The following ANTXR1 variants were observed in gnomAD, a reference collection of about 807,000 sequenced individuals.
The protein encoded by ANTXR1 is ANTXR cell adhesion molecule 1.
ANTXR1 carries 19 observed loss-of-function variants against 78.1 expected under a neutral mutation model. The observed-to-expected ratio is 0.24, with a 90% CI of 0.17 to 0.36. ANTXR1 has a LOEUF of 0.36. ANTXR1 is among the 10% of genes least tolerant of loss of function. The pLI is 1.00. For missense variants in ANTXR1, 518 were observed against 718.6 expected, an observed-to-expected ratio of 0.72 and a Z score of 3.19; for synonymous variants, 273 against 260.5, an observed-to-expected ratio of 1.05 and a Z score of -0.46.
At chr2:69,035,803 T>A (rs561984952) in intron 1 of ANTXR1, among the ~76,000 whole-genome samples, 2 of 152,358 alleles carry the variant, frequency 1.3e-5, no homozygotes, top group East Asian at 3.9e-4. Flanking sequence ...TATTTTCTTC[T>A]TCAGAAAATT....
chr2:69,146,073 T>G, intron 12 of ANTXR1: 1 of 985,496 alleles, frequency 1.0e-6, no homozygotes. Flanking sequence ...TCAGAGAATG[T>G]CATCCCTAAT....
intron 9 of ANTXR1, among the ~76,000 whole-genome samples, chr2:69,097,993 T>G (rs1039144098): frequency 2.0e-5 from 3 of 152,056 alleles, no homozygotes; most frequent in Non-Finnish European, 4.4e-5. Flanking sequence ...GACAAGAAAA[T>G]TACTTACTGC....
At chr2:69,117,694 G>C (rs1186958891) in intron 10 of ANTXR1, among the ~76,000 whole-genome samples, 1 of 152,180 alleles carries the variant, frequency 6.6e-6, no homozygotes, top group Non-Finnish European at 1.5e-5. Context: ...ATGTAATAAA[G>C]AAGAATAACA....
At chr2:69,195,633 C>T (rs1046090287) in intron 17 of ANTXR1, among the ~76,000 whole-genome samples, 3 of 152,092 alleles carry the variant, frequency 2.0e-5, no homozygotes, top group African/African-American at 7.2e-5. Flanking sequence ...AATACAAACT[C>T]TACAGTTAGG....
chr2:69,241,028 A>C (rs1675882223), intron 17 of ANTXR1, among the ~76,000 whole-genome samples: 1 of 152,186 alleles, frequency 6.6e-6, no homozygotes, highest in Non-Finnish European at 1.5e-5. Flanking sequence ...TTAGAATTTA[A>C]TCTGAGAAAT....
intron 17 of ANTXR1, among the ~76,000 whole-genome samples, chr2:69,197,436 C>T (rs1674691656): frequency 6.6e-6 from 1 of 152,168 alleles, no homozygotes; most frequent in Admixed American, 6.5e-5. Flanking sequence ...CCTTCATCAC[C>T]TCCAAATGGG....
chr2:69,177,547 G>A (rs531006936), intron 14 of ANTXR1, among the ~76,000 whole-genome samples: 2 of 152,314 alleles, frequency 1.3e-5, no homozygotes, highest in Admixed American at 6.5e-5. Context: ...CCAGCTGGAC[G>A]TCTGGAGCCA....
intron 14 of ANTXR1, 41 bp downstream of exon 14, chr2:69,170,330 G>T (rs1673947968): frequency 6.2e-7 from 1 of 1,612,232 alleles, no homozygotes; most frequent in African/African-American, 1.3e-5. Context: ...GGGCAGGGTG[G>T]CAGAGTAGGG....
At chr2:69,239,740 A>T (rs1675851860) in intron 17 of ANTXR1, among the ~76,000 whole-genome samples, 1 of 152,148 alleles carries the variant, frequency 6.6e-6, no homozygotes, top group Non-Finnish European at 1.5e-5. Context: ...CCTGACTGCA[A>T]CCCACAAGGC....
chr2:69,111,624 C>T (rs1558559318), intron 10 of ANTXR1, among the ~76,000 whole-genome samples: 1 of 152,202 alleles, frequency 6.6e-6, no homozygotes, highest in East Asian at 1.9e-4. Context: ...AGGCATGGCT[C>T]TGGTTTACTT....
chr2:69,103,116 G>T, intron 10 of ANTXR1, 176 bp downstream of exon 10: 1 of 722,542 alleles, frequency 1.4e-6, no homozygotes, highest in Non-Finnish European at 2.4e-6. Flanking sequence ...GTCAGAAAAG[G>T]CACCACTTGG....
intron 3 of ANTXR1, among the ~76,000 whole-genome samples, chr2:69,048,012 T>G (rs1441864522): frequency 6.6e-6 from 1 of 152,190 alleles, no homozygotes; most frequent in Non-Finnish European, 1.5e-5. Context: ...GTAACAAAGT[T>G]TGCAGGTCAC....
At chr2:69,123,792 G>T (rs938154965) in intron 11 of ANTXR1, among the ~76,000 whole-genome samples, 1 of 152,172 alleles carries the variant, frequency 6.6e-6, no homozygotes, top group African/African-American at 2.4e-5. Context: ...GGGAAATGAG[G>T]CAATGCTGGT....
intron 10 of ANTXR1, among the ~76,000 whole-genome samples, chr2:69,117,896 A>G (rs1341526212): frequency 6.6e-6 from 1 of 152,136 alleles, no homozygotes; most frequent in East Asian, 1.9e-4. Context: ...TCCCCTCGGT[A>G]TGCAGCTTGA....
chr2:69,073,606 C>T (rs951944824), intron 6 of ANTXR1, among the ~76,000 whole-genome samples: 2 of 152,070 alleles, frequency 1.3e-5, no homozygotes, highest in African/African-American at 2.4e-5. Context: ...TTAATAGTTC[C>T]TTTTTTTCTT....
At chr2:69,073,355 C>A (rs1379084227) in intron 6 of ANTXR1, among the ~76,000 whole-genome samples, 2 of 152,074 alleles carry the variant, frequency 1.3e-5, no homozygotes, top group Non-Finnish European at 2.9e-5. Flanking sequence ...AAAATTCTAC[C>A]CTGCCTTTAT....
chr2:69,086,752 A>G (rs7591556), intron 8 of ANTXR1, among the ~76,000 whole-genome samples: 1 of 152,206 alleles, frequency 6.6e-6, no homozygotes, highest in Admixed American at 6.5e-5. Context: ...GTTTGAATAC[A>G]TGCCAGACAT....
At position 69,013,748 on chromosome 2, in the gene ANTXR1, A is replaced by G. The variant is rs2103969562; in HGVS notation, c.152+97A>G. 1.9e-6 allele frequency: 3 copies of G among 1,540,626 alleles called. No individual in the cohort carries two copies. The East Asian group carries it at 7.3e-5, about 38-fold the overall frequency. On this transcript the variant is annotated intron_variant, in intron 1 of 17. Transcript: ENST00000303714. This position sits in a 1 kb window ranked among gnomAD's most constrained non-coding sequence, Gnocchi z 5.0. Reference sequence around the variant, plus strand: ...GTTGGCAGGGTCGCCTGGGGACAGGAGCGCATCTCCAGGGCCACAGAGGGA... The same window carrying G: ...GTTGGCAGGGTCGCCTGGGGACAGGGGCGCATCTCCAGGGCCACAGAGGGA...
intron 8 of ANTXR1, among the ~76,000 whole-genome samples, chr2:69,084,180 A>G (rs1010022841): frequency 6.6e-6 from 1 of 152,188 alleles, no homozygotes; most frequent in African/African-American, 2.4e-5. Context: ...AAGAAAGGCC[A>G]CTCACTTTTC....
Sources: gnomAD v4.1 joint callset for allele counts (sites outside exome capture counted in the v4.1 genomes callset) on GRCh38, gnomAD v4.1.1 for gene constraint, Gnocchi (gnomAD v3.1) non-coding constraint, MANE v1.5 for transcripts, NCBI Gene and HGNC (gene_info 2026-07-23, HGNC 2026-07-21) for gene names.